Variants in PDS5B observed in about 807,000 individuals in gnomAD.
The protein encoded by PDS5B is PDS5 cohesin associated factor B.
Under a neutral mutation model 184.1 loss-of-function variants are expected in PDS5B, and 51 were observed. The observed-to-expected ratio is 0.28, with a 90% CI of 0.22 to 0.35. The LOEUF is 0.35. Ranked by LOEUF, PDS5B falls within the 10% of genes least tolerant of loss-of-function variation. The probability of loss-of-function intolerance (pLI) is 1.00; values close to 1 mark genes in which losing one functional copy is unlikely to be tolerated. For missense variants in PDS5B, 1,180 were observed against 1,723.3 expected, an observed-to-expected ratio of 0.68 and a Z score of 5.58; for synonymous variants, 566 against 569.2, an observed-to-expected ratio of 0.99 and a Z score of 0.08.
At chr13:32,763,114 A>G (rs952135199) in intron 30 of PDS5B, among the ~76,000 whole-genome samples, 4 of 152,152 alleles carry the variant, frequency 2.6e-5, no homozygotes, top group Non-Finnish European at 5.9e-5. Flanking sequence ...AAGTAGGTAT[A>G]TTTGAGAAAC....
At chr13:32,766,908 G>T (rs1436945452) in intron 31 of PDS5B, among the ~76,000 whole-genome samples, 1 of 152,004 alleles carries the variant, frequency 6.6e-6, no homozygotes, top group Non-Finnish European at 1.5e-5. Flanking sequence ...ACATCAAAAA[G>T]AATTATAGTA....
At chr13:32,590,473 C>T (rs1040898801) in intron 1 of PDS5B, among the ~76,000 whole-genome samples, 4 of 152,102 alleles carry the variant, frequency 2.6e-5, no homozygotes, top group Admixed American at 6.6e-5. Context: ...TACTTAGTTC[C>T]GAAGGAGCAG....
At chr13:32,614,602 T>C (rs912101750) in intron 1 of PDS5B, among the ~76,000 whole-genome samples, 2 of 152,182 alleles carry the variant, frequency 1.3e-5, no homozygotes, top group South Asian at 2.1e-4. Flanking sequence ...CTGGTCCACA[T>C]TGGATTTTCA....
intron 1 of PDS5B, among the ~76,000 whole-genome samples, chr13:32,619,092 A>G (rs996200684): frequency 1.3e-5 from 2 of 152,168 alleles, no homozygotes; most frequent in Non-Finnish European, 2.9e-5. Flanking sequence ...AAATACCCCT[A>G]CCCTGTATTT....
rs184558643 is a variant in PDS5B, at chr13:32,688,823, T to C, written c.1469+254T>C. The C allele has an allele frequency of 3.0e-4, 125 of 416,022 alleles. 1 individual carries two copies. The East Asian group carries it at 5.3e-3, about 18-fold the overall frequency. 25.8% of individuals were successfully genotyped at this position (416,022 alleles called of 1,614,324 possible). A position where few individuals can be genotyped will look rare whatever the true frequency, so the allele number is the denominator to read the frequency against. On this transcript the variant is annotated intron_variant, in intron 13 of 34. Transcript: ENST00000315596. ...TTAGGATTTGAGTTTTCTATTCATA[T>C]TGTTGGTGTCTCAAGAAACGTTGAT... is the stretch of plus-strand genomic sequence containing the variant.
intron 1 of PDS5B, among the ~76,000 whole-genome samples, chr13:32,598,998 C>T (rs932677022): frequency 1.3e-5 from 2 of 152,090 alleles, no homozygotes; most frequent in Admixed American, 6.5e-5. Context: ...TCTCGATCTC[C>T]TGACCTCGTG....
intron 8 of PDS5B, among the ~76,000 whole-genome samples, chr13:32,674,291 T>C (rs1951011780): frequency 6.6e-6 from 1 of 152,204 alleles, no homozygotes; most frequent in Non-Finnish European, 1.5e-5. Flanking sequence ...TGTTTGTGTC[T>C]AAAATTTTTG....
chr13:32,704,437 G>A (rs1198898193), intron 17 of PDS5B, among the ~76,000 whole-genome samples: 2 of 152,196 alleles, frequency 1.3e-5, no homozygotes, highest in African/African-American at 4.8e-5. Context: ...CCAAAGTGCT[G>A]GGATTACAGG....
rs1249389664 is a variant in PDS5B at position 32,764,631 on chromosome 13, G to A, written c.3624+37G>A. The A allele has an allele frequency of 4.3e-6, 5 of 1,162,216 alleles. No homozygotes were observed. The African/African-American group carries it at 6.3e-5, about 15-fold the overall frequency. 72.0% of individuals were successfully genotyped at this position (1,162,216 alleles called of 1,614,324 possible). A position where few individuals can be genotyped will look rare whatever the true frequency, so the allele number is the denominator to read the frequency against. Reference sequence around the variant, plus strand: ...GCATTGATTTTATAATAATATTAATGATAATTTTACTTAGTAATGTTTACA... The same window carrying A: ...GCATTGATTTTATAATAATATTAATAATAATTTTACTTAGTAATGTTTACA... On this transcript the variant is annotated intron_variant, in intron 31 of 34. Coordinates refer to ENST00000315596, the MANE Select transcript of PDS5B (RefSeq NM_015032.4).
intron 18 of PDS5B, among the ~76,000 whole-genome samples, chr13:32,707,933 G>A (rs1952077355): frequency 6.6e-6 from 1 of 151,814 alleles, no homozygotes; most frequent in South Asian, 2.1e-4. Context: ...ACAAGGGCGA[G>A]ATAGAAGCAG....
At chr13:32,710,526 A>G (rs768176396) in intron 19 of PDS5B, among the ~76,000 whole-genome samples, 7 of 152,204 alleles carry the variant, frequency 4.6e-5, no homozygotes, top group Admixed American at 3.3e-4. Context: ...GAAGCATGGA[A>G]TACTTACCTT....
chr13:32,653,488 C>T (rs146123907), intron 3 of PDS5B, among the ~76,000 whole-genome samples: 18 of 152,144 alleles, frequency 1.2e-4, no homozygotes, highest in African/African-American at 4.3e-4. Context: ...TCATGGAGTT[C>T]TTGATAACTG....
At chr13:32,652,259 T>G (rs1306793685) in intron 3 of PDS5B, 1 of 319,000 alleles carries the variant, frequency 3.1e-6, no homozygotes, top group African/African-American at 2.1e-5. Context: ...CTCTGTTTCT[T>G]TCATTATAAT....
chr13:32,679,077 T>G, intron 10 of PDS5B, 148 bp downstream of exon 10: 1 of 468,652 alleles, frequency 2.1e-6, no homozygotes, highest in Non-Finnish European at 3.8e-6. Context: ...TCTCTGAAGC[T>G]AGATTTTTTT....
chr13:32,636,245 T>C (rs1190682419), intron 1 of PDS5B, among the ~76,000 whole-genome samples: 1 of 152,206 alleles, frequency 6.6e-6, no homozygotes, highest in African/African-American at 2.4e-5. Context: ...TTCCTACTTT[T>C]ATAGAATTTT....
chr13:32,587,035 G>T (rs1228365101), intron 1 of PDS5B, among the ~76,000 whole-genome samples: 5 of 142,978 alleles, frequency 3.5e-5, no homozygotes, highest in East Asian at 2.2e-4. Context: ...CCCGCGCCCC[G>T]GCCGGCCGGC....
intron 1 of PDS5B, among the ~76,000 whole-genome samples, chr13:32,588,248 A>G (rs2057722466): frequency 6.6e-6 from 1 of 152,248 alleles, no homozygotes; most frequent in African/African-American, 2.4e-5. Context: ...AAACCTAATT[A>G]AAATTTGTAG....
intron 24 of PDS5B, among the ~76,000 whole-genome samples, chr13:32,751,832 C>G (rs558386471): frequency 2.6e-5 from 4 of 152,048 alleles, no homozygotes; most frequent in Admixed American, 6.6e-5. Flanking sequence ...TGGTTTGTTT[C>G]TTTTGCTGTG....
chr13:32,595,331 A>G (rs977184742), intron 1 of PDS5B, among the ~76,000 whole-genome samples: 2 of 152,258 alleles, frequency 1.3e-5, no homozygotes, highest in Admixed American at 1.3e-4. Flanking sequence ...TATTATTTTA[A>G]ATTATATGCA....
Sources: allele counts gnomAD v4.1 joint callset (sites outside exome capture counted in the v4.1 genomes callset), GRCh38; gene constraint gnomAD v4.1.1; transcripts MANE v1.5; gene names NCBI Gene and HGNC (gene_info 2026-07-23, HGNC 2026-07-21).